Variants in KRT4 observed in about 807,000 individuals in gnomAD.
KRT4 encodes keratin 4.
KRT4 carries 47 observed loss-of-function variants against 50.6 expected under a neutral mutation model. That is an observed-to-expected ratio of 0.93 (90% CI 0.73 to 1.18). The LOEUF (loss-of-function observed/expected upper bound fraction) is 1.18, where lower values mean the gene tolerates loss of function less well. Among genes scored for constraint, KRT4 ranks in the 50% most tolerant of loss-of-function variants. KRT4 has a pLI of 0.00. For missense variants in KRT4, 651 were observed against 645.7 expected (o/e 1.01, Z -0.09); for synonymous variants, 254 against 251.2 (o/e 1.01, Z -0.10).
intron 3 of KRT4, among the ~76,000 whole-genome samples, chr12:52,809,965 G>T (rs1397668296): frequency 6.6e-6 from 1 of 152,172 alleles, no homozygotes; most frequent in Non-Finnish European, 1.5e-5. Flanking sequence ...AATGTGGATG[G>T]AACTGGAGGC....
At chr12:52,813,052 G>A (rs1322529430) in intron 1 of KRT4, among the ~76,000 whole-genome samples, 1 of 152,188 alleles carries the variant, frequency 6.6e-6, no homozygotes, top group Non-Finnish European at 1.5e-5. Context: ...AAAAAGAAAA[G>A]AGACCTGTCT....
intron 1 of KRT4, among the ~76,000 whole-genome samples, chr12:52,812,542 A>G (rs1241076203): frequency 2.0e-5 from 3 of 152,138 alleles, no homozygotes; most frequent in African/African-American, 7.2e-5. Flanking sequence ...CCCTCTCTCT[A>G]TGAAAAAATC....
chr12:52,809,118 G>A lies in KRT4; in HGVS notation c.834+265C>T. ...GGAAGGGAATGGATCCATTTCACCA[G>A]AAAAAAAATGCTAGACAGCAATGAA... On this transcript the variant is annotated intron_variant, in intron 4 of 8. Coordinates refer to ENST00000551956, the MANE Select transcript of KRT4 (RefSeq NM_002272.4). 6.5e-6 allele frequency: 4 copies of A among 616,596 alleles called. No homozygotes were observed. In the Admixed American group the frequency reaches 8.0e-5, roughly 12 times the overall value. 38.2% of individuals were successfully genotyped at this position (616,596 alleles called of 1,614,324 possible). A position where few individuals can be genotyped will look rare whatever the true frequency, so the allele number is the denominator to read the frequency against.
At chr12:52,813,347 A>G (rs540032863) in intron 1 of KRT4, among the ~76,000 whole-genome samples, 1 of 152,180 alleles carries the variant, frequency 6.6e-6, no homozygotes. Context: ...AAGCCAAATG[A>G]TTTGTCCAGT....
chr12:52,814,110 G>A lies in KRT4; in HGVS notation c.-52C>T, dbSNP rs376521567. Reference sequence around the variant, plus strand: ...TCAGAGAAGTGACAGGGCCCAGGCCGGTGAGTGCTGGAGCCCTCAGCCTTC... The same window carrying A: ...TCAGAGAAGTGACAGGGCCCAGGCCAGTGAGTGCTGGAGCCCTCAGCCTTC... On this transcript the variant is annotated 5_prime_UTR_variant, in exon 1 of 9. Coordinates refer to ENST00000551956, the MANE Select transcript of KRT4 (RefSeq NM_002272.4). The A allele has an allele frequency of 3.9e-5, 63 of 1,613,908 alleles. No individual in the cohort carries two copies. Among genetic ancestry groups the A allele is most frequent in the Admixed American group, 1.0e-4 (6 of 59,996 alleles).
chr12:52,808,521 C>A, intron 5 of KRT4, 102 bp from the exon 6 acceptor site: 1 of 1,554,704 alleles, frequency 6.4e-7, no homozygotes, highest in Non-Finnish European at 8.9e-7. Context: ...GCAAGAATAG[C>A]ACCAAATGTC....
intron 2 of KRT4, 149 bp from the exon 3 acceptor site, chr12:52,810,965 T>C (rs1939901191): frequency 1.5e-6 from 1 of 685,562 alleles, no homozygotes; most frequent in Non-Finnish European, 2.7e-6. Flanking sequence ...AGATATTCAT[T>C]TAACCTATAT....
chr12:52,809,426 C>G lies in KRT4; in HGVS notation c.791G>C (p.Ser264Thr), dbSNP rs1939867977. The change falls in exon 4 of 9, where the codon AGT (serine) becomes ACT (threonine). Residue 264 changes from serine (S) to threonine (T), a missense_variant. Physicochemically the swap from Ser to Thr is moderately conservative, Grantham distance 58. Transcript: ENST00000551956. ...CAGGAAGTTGATCTCGTCATTAAGACTGTCCACCTTGGCCTCCAACTCCAC... is the reference window on the plus strand; with the variant it reads ...CAGGAAGTTGATCTCGTCATTAAGAGTGTCCACCTTGGCCTCCAACTCCAC... The part of the protein sequence containing the change: ...NKVELEAKVD[S>T]LNDEINFLKV... The G allele has an allele frequency of 2.5e-6, 4 of 1,614,082 alleles. No homozygotes were observed. Among genetic ancestry groups the G allele is most frequent in the Non-Finnish European group, 3.4e-6 (4 of 1,180,006 alleles).
chr12:52,810,115 G>A (rs1195246906), intron 3 of KRT4, among the ~76,000 whole-genome samples: 4 of 152,150 alleles, frequency 2.6e-5, no homozygotes, highest in Non-Finnish European at 5.9e-5. Flanking sequence ...AGGGAGGGCT[G>A]GGAGGGGCTG....
intron 1 of KRT4, 97 bp from the exon 2 acceptor site, chr12:52,812,074 C>T (rs1340522365): frequency 1.3e-5 from 13 of 986,014 alleles, no homozygotes; most frequent in Non-Finnish European, 2.0e-5. Flanking sequence ...CAGGGAACTA[C>T]ACGGCCCAAG....
At position 52,813,713 on chromosome 12, in the gene KRT4, G is replaced by T. The variant is rs768510625; in HGVS notation, c.346C>A (p.Gln116Lys). 5.0e-6 allele frequency: 8 copies of T among 1,614,120 alleles called. No individual in the cohort carries two copies. The highest frequency in any genetic ancestry group is 3.3e-5 in the South Asian group (3 of 91,084). The stretch of plus-strand genomic sequence containing the variant: ...ACGTGGAGGGGGGTGAGCAAGCTCT[G>T]GTTGATGGTGACCTCCTGAATTCCC... ...AGGIQEVTIN[Q>K]SLLTPLHVEI... The change falls in exon 1 of 9, where the codon CAG (glutamine) becomes AAG (lysine). Residue 116 changes from glutamine to lysine, a missense_variant. Transcript: ENST00000551956.
rs1345230715 is a variant in KRT4 at position 52,807,165 on chromosome 12, G to T, written c.1467C>A (p.Gly489=). The T allele has an allele frequency of 1.2e-6, 2 of 1,614,160 alleles. No homozygotes were observed. Among genetic ancestry groups the T allele is most frequent in the South Asian group, 2.2e-5 (2 of 91,084 alleles). ...ACCCAAAGCCACTTCCAGAGCCGGA[G>T]CCAAAGCCACTACTCAGGCCAAACC... ...GSGFGLSSGF[G]SGSGSGFGFG... is the part of the protein sequence containing the mutation. Residue 489 remains glycine, a synonymous_variant, in exon 9 of 9, where the codon GGC becomes GGA. Transcript: ENST00000551956.
At position 52,811,982 on chromosome 12, in the gene KRT4, G is replaced by A. The variant is rs745562051; in HGVS notation, c.463-5C>T. On this transcript the variant is annotated splice_region_variant and splice_polypyrimidine_tract_variant and intron_variant, in intron 1 of 8. Coordinates refer to ENST00000551956, the MANE Select transcript of KRT4 (RefSeq NM_002272.4). ...CTGTTGCTCTAAGAACTGCACCTGT[G>A]TTGATAAAGGCACCAGCCAAGTGAT... The A allele has an allele frequency of 1.2e-6, 2 of 1,609,704 alleles. No homozygotes were observed. Among genetic ancestry groups the A allele is most frequent in the Non-Finnish European group, 1.7e-6 (2 of 1,177,318 alleles).
rs192699667 is a variant in KRT4 at position 52,807,732 on chromosome 12, G to A, written c.1258C>T (p.Arg420Cys). Residue 420 changes from arginine (R) to cysteine (C), a missense_variant, in exon 7 of 9, where the codon CGT becomes TGT. By Grantham distance (180) the Arg-to-Cys change is radical. Transcript: ENST00000551956. ...QAKEELARML[R>C]EYQELMSVKL... Reference sequence around the variant, plus strand: ...ACACTCATGAGCTCCTGGTACTCACGCAGCATTCGTGCCAGCTCCTCCTTG... The same window carrying A: ...ACACTCATGAGCTCCTGGTACTCACACAGCATTCGTGCCAGCTCCTCCTTG... 3.0e-4 allele frequency: 485 copies of A among 1,614,164 alleles called. 4 individuals carry two copies. The Admixed American group carries it at 5.1e-3, about 17-fold the overall frequency.
intron 2 of KRT4, among the ~76,000 whole-genome samples, chr12:52,811,166 C>T (rs972836990): frequency 1.3e-5 from 2 of 152,142 alleles, no homozygotes; most frequent in African/African-American, 4.8e-5. Context: ...CTCCATTTCC[C>T]TTTGTTTGGT....
intron 1 of KRT4, 28 bp downstream of exon 1, chr12:52,813,569 C>T: frequency 6.3e-7 from 1 of 1,598,356 alleles, no homozygotes; most frequent in Non-Finnish European, 8.6e-7. Context: ...CTTCTAACTG[C>T]CCCTCTCCAG....
intron 6 of KRT4, 106 bp downstream of exon 6, chr12:52,808,188 C>A (rs1939835177): frequency 2.8e-6 from 4 of 1,442,244 alleles, no homozygotes; most frequent in Non-Finnish European, 2.9e-6. Context: ...TTCCCAGCAA[C>A]AAGCTCAGGG....
chr12:52,809,604 G>T (rs1939872178), intron 3 of KRT4, 126 bp from the exon 4 acceptor site: 1 of 742,450 alleles, frequency 1.3e-6, no homozygotes, highest in African/African-American at 1.7e-5. Flanking sequence ...CAGGGGAGCT[G>T]GTGGGAGACC....
At chr12:52,808,493 TGA>T in intron 5 of KRT4, 74 bp from the exon 6 acceptor site, 1 of 1,601,342 alleles carries the variant, frequency 6.2e-7, no homozygotes, top group Non-Finnish European at 8.5e-7. Context: ...GTGAACTCAG[TGA>T]GAATTGCCAC....
Sources: allele counts gnomAD v4.1 joint callset (sites outside exome capture counted in the v4.1 genomes callset), GRCh38; gene constraint gnomAD v4.1.1; transcripts MANE v1.5; gene names NCBI Gene and HGNC (gene_info 2026-07-23, HGNC 2026-07-21).